CLVS1: variants seen among roughly 807,000 people sequenced by gnomAD.
The protein encoded by CLVS1 is clavesin-1.
In CLVS1, 10 loss-of-function variants were observed where a neutral mutation model predicts 33.1. The ratio of observed to expected loss-of-function variants is 0.30; its 90% CI spans 0.19 to 0.51. The LOEUF (loss-of-function observed/expected upper bound fraction) is 0.51. Among genes scored for constraint, CLVS1 ranks in the 20% least tolerant of loss-of-function variants. The pLI, the probability that CLVS1 is intolerant of heterozygous loss-of-function variation, is 0.97. For synonymous variants in CLVS1, 163 were observed against 166.1 expected, an observed-to-expected ratio of 0.98 and a Z score of 0.14; for missense variants, 343 against 433.4, an observed-to-expected ratio of 0.79 and a Z score of 1.85.
intron 1 of CLVS1, among the ~76,000 whole-genome samples, chr8:61,092,053 A>G (rs1026769700): frequency 1.3e-5 from 2 of 152,236 alleles, no homozygotes; most frequent in African/African-American, 4.8e-5. Context: ...GGTGGCATTT[A>G]ACTCATTTAC....
At chr8:61,492,667 G>T (rs144993327) in intron 5 of CLVS1, among the ~76,000 whole-genome samples, 424 of 152,244 alleles carry the variant, frequency 2.8e-3, no homozygotes, top group African/African-American at 9.6e-3. Context: ...AAAATAGTTT[G>T]CTTCAAAATA....
At chr8:61,059,682 G>T (rs1467586088) in intron 1 of CLVS1, among the ~76,000 whole-genome samples, 1 of 150,966 alleles carries the variant, frequency 6.6e-6, no homozygotes, top group Non-Finnish European at 1.5e-5. Context: ...GTGGTGACGT[G>T]TGCCTCTGAT....
At chr8:61,039,888 T>C in the CLVS1 span, among the ~76,000 whole-genome samples, 1 of 152,194 alleles carries the variant, frequency 6.6e-6, no homozygotes, top group African/African-American at 2.4e-5. Flanking sequence ...ACAGGTTTGT[T>C]ACATGAGCAT....
At chr8:61,035,187 C>CTTTTTTTTTTTTTTTTTTT in the CLVS1 span, among the ~76,000 whole-genome samples, 2 of 129,408 alleles carry the variant, frequency 1.5e-5, no homozygotes, top group Non-Finnish European at 1.6e-5. Context: ...TTTCTTTTTT[C>CTTTTTTTTTTTTTTTTTTT]TTTTTTTTTT....
the CLVS1 span, among the ~76,000 whole-genome samples, chr8:60,996,173 T>A: frequency 2.6e-5 from 4 of 152,128 alleles, no homozygotes; most frequent in Non-Finnish European, 5.9e-5. Flanking sequence ...AAAAAAAAAA[T>A]TCTTTTTTGG....
intron 1 of CLVS1, among the ~76,000 whole-genome samples, chr8:61,105,981 G>T (rs1363512013): frequency 6.6e-6 from 1 of 152,196 alleles, no homozygotes; most frequent in Non-Finnish European, 1.5e-5. Flanking sequence ...GCCGGTTGTA[G>T]TTCTGTCTTC....
At chr8:61,152,723 T>C (rs1806565418) in intron 2 of CLVS1, among the ~76,000 whole-genome samples, 2 of 152,138 alleles carry the variant, frequency 1.3e-5, no homozygotes, top group South Asian at 2.1e-4. Flanking sequence ...GGGGATTACA[T>C]TTTAACTAAA....
At chr8:61,231,860 G>A (rs556875000) in intron 2 of CLVS1, among the ~76,000 whole-genome samples, 11 of 152,130 alleles carry the variant, frequency 7.2e-5, no homozygotes, top group South Asian at 2.1e-4. Context: ...ACTTTCAGTC[G>A]AACCTTACCC....
chr8:61,343,469 C>A (rs1016939390), intron 2 of CLVS1, among the ~76,000 whole-genome samples: 1 of 152,156 alleles, frequency 6.6e-6, no homozygotes, highest in Non-Finnish European at 1.5e-5. Context: ...TCAGTTACTG[C>A]TGAGAGTTCC....
intron 2 of CLVS1, among the ~76,000 whole-genome samples, chr8:61,164,744 C>T (rs926162194): frequency 2.0e-5 from 3 of 152,212 alleles, no homozygotes; most frequent in Non-Finnish European, 4.4e-5. Context: ...AATCCCCCCT[C>T]TTTCTGTGTC....
intron 3 of CLVS1, among the ~76,000 whole-genome samples, chr8:61,426,214 T>C (rs1290149416): frequency 6.6e-6 from 1 of 152,154 alleles, no homozygotes; most frequent in Admixed American, 6.5e-5. Context: ...CACTGGGTGG[T>C]CCATAGTTTT....
intron 2 of CLVS1, among the ~76,000 whole-genome samples, chr8:61,363,002 G>A (rs1813049389): frequency 6.6e-6 from 1 of 152,108 alleles, no homozygotes; most frequent in Non-Finnish European, 1.5e-5. Flanking sequence ...CTTAGTTAAT[G>A]GAAAAAAGAT....
At chr8:61,445,848 T>A (rs562189749) in intron 3 of CLVS1, among the ~76,000 whole-genome samples, 1 of 152,324 alleles carries the variant, frequency 6.6e-6, no homozygotes, top group East Asian at 1.9e-4. Flanking sequence ...TTCTTAACAG[T>A]TATAGGGCTA....
intron 3 of CLVS1, among the ~76,000 whole-genome samples, chr8:61,450,342 A>G (rs1439726952): frequency 1.3e-5 from 2 of 152,220 alleles, no homozygotes; most frequent in African/African-American, 2.4e-5. Flanking sequence ...TCTAAGGTTT[A>G]CAGGCTTCAT....
At chr8:61,151,113 A>G (rs1806525253) in intron 2 of CLVS1, among the ~76,000 whole-genome samples, 2 of 152,122 alleles carry the variant, frequency 1.3e-5, no homozygotes, top group South Asian at 4.2e-4. Context: ...ACAGGCACAA[A>G]CTCTCGTATC....
At position 61,334,399 on chromosome 8, in the gene CLVS1, T is replaced by C. The variant is rs1487121505; in HGVS notation, c.455+34117T>C. On this transcript the variant is annotated intron_variant, in intron 2 of 5. Coordinates refer to ENST00000325897, the MANE Select transcript of CLVS1 (RefSeq NM_173519.3). ...AAATTTGGAGGGTCTGTGTCTGGTC[T>C]TGTCCTAGACAAGCAAGAGGGCCTC... is the stretch of plus-strand genomic sequence containing the variant. Among the ~76,000 whole-genome samples, 4 of 152,230 alleles carry C rather than the reference T, an allele frequency of 2.6e-5. No homozygotes were observed. In the East Asian group the frequency reaches 7.7e-4, roughly 29 times the overall value.
intron 1 of CLVS1, chr8:61,292,511 T>C (rs754029541): frequency 2.5e-6 from 1 of 407,572 alleles, no homozygotes; most frequent in Non-Finnish European, 5.0e-6. Context: ...AGAGAATCTA[T>C]TCTTAGAGAA....
chr8:60,971,318 A>G, the CLVS1 span, among the ~76,000 whole-genome samples: 1 of 152,144 alleles, frequency 6.6e-6, no homozygotes, highest in Non-Finnish European at 1.5e-5. Flanking sequence ...GGCTCAAGCC[A>G]TCCTCCTGCC....
At chr8:61,342,284 G>A (rs1220816457) in intron 2 of CLVS1, among the ~76,000 whole-genome samples, 5 of 152,150 alleles carry the variant, frequency 3.3e-5, no homozygotes, top group African/African-American at 1.2e-4. Flanking sequence ...CATTGGCCTG[G>A]TGGGAGGATA....
Sources: gnomAD v4.1 joint callset for allele counts (sites outside exome capture counted in the v4.1 genomes callset) on GRCh38, gnomAD v4.1.1 for gene constraint, MANE v1.5 for transcripts, NCBI Gene and HGNC (gene_info 2026-07-23, HGNC 2026-07-21) for gene names.